The following SHB variants were observed in gnomAD, a reference collection of about 807,000 sequenced individuals.
SHB encodes the protein SH2 domain containing adaptor protein B.
SHB carries 20 observed loss-of-function variants against 52.3 expected under a neutral mutation model. The ratio of observed to expected loss-of-function variants is 0.38; its 90% CI spans 0.27 to 0.56. The LOEUF (loss-of-function observed/expected upper bound fraction) is 0.56. Ranked by LOEUF, SHB falls within the 20% of genes least tolerant of loss-of-function variation. The pLI is 0.71. For missense variants in SHB, 825 were observed against 723.3 expected (o/e 1.14, Z -1.61); for synonymous variants, 397 against 316.5 (o/e 1.25, Z -2.70).
intron 1 of SHB, among the ~76,000 whole-genome samples, chr9:38,048,324 A>C (rs1821685840): frequency 6.6e-6 from 1 of 152,176 alleles, no homozygotes. Flanking sequence ...AATATTCATC[A>C]TTTTTTATAT....
Position 37,956,056 on chromosome 9 carries a change from T to A in SHB, c.1055-2A>T. ...GCTTCTCGTTGCCATTAAACTGTGC[T>A]GTGGGGAGAGAGAGAAAGTGCAGGG... On this transcript the variant is annotated splice_acceptor_variant, in intron 3 of 5. Coordinates refer to ENST00000377707, the MANE Select transcript of SHB (RefSeq NM_003028.3). LOFTEE classifies it high-confidence loss of function. The A allele has an allele frequency of 6.4e-7, 1 of 1,556,446 alleles. No homozygotes were observed. Among genetic ancestry groups the A allele is most frequent in the Non-Finnish European group, 8.7e-7 (1 of 1,149,480 alleles).
At chr9:38,015,974 C>T in intron 2 of SHB, 37 bp downstream of exon 2, 1 of 1,608,920 alleles carries the variant, frequency 6.2e-7, no homozygotes, top group East Asian at 2.2e-5. Flanking sequence ...ACCCCTACAA[C>T]CCCAGCTGTG....
At chr9:37,934,014 G>A (rs1832341422) in intron 5 of SHB, among the ~76,000 whole-genome samples, 1 of 152,178 alleles carries the variant, frequency 6.6e-6, no homozygotes, top group Non-Finnish European at 1.5e-5. Flanking sequence ...CGTTCCCCAG[G>A]CAGTCACCAT....
chr9:37,969,920 C>T (rs764342135), intron 3 of SHB, among the ~76,000 whole-genome samples: 1 of 152,220 alleles, frequency 6.6e-6, no homozygotes, highest in African/African-American at 2.4e-5. Context: ...AGCAAGAAGG[C>T]CATTTCTAGA....
In SHB at chr9:38,015,877, T is replaced by G. The variant is rs879233871; in HGVS notation, c.838+134A>C. Reference sequence around the variant, plus strand: ...CTGTGGGGAAGACTTAATACAGCATTGCTCCCACCTACCAACTTGAAAGCA... The same window carrying G: ...CTGTGGGGAAGACTTAATACAGCATGGCTCCCACCTACCAACTTGAAAGCA... On this transcript the variant is annotated intron_variant, in intron 2 of 5. Transcript: ENST00000377707. 2.3e-4 allele frequency: 194 copies of G among 828,346 alleles called. 1 individual carries two copies. Among genetic ancestry groups the G allele is most frequent in the Middle Eastern group, 1.1e-3 (3 of 2,694 alleles). The allele number at this position is 828,346 out of a possible 1,614,324, so 51.3% of individuals were successfully genotyped here.
In SHB at chr9:38,045,656, A is replaced by G. The variant is rs371243773; in HGVS notation, c.717+22273T>C. 5.7e-4 allele frequency among the ~76,000 whole-genome samples: 87 copies of G among 152,230 alleles called. 1 individual carries two copies. The South Asian group carries it at 0.017, about 30-fold the overall frequency. The stretch of plus-strand genomic sequence containing the variant: ...CAATAAACAATTTGACAACATATCA[A>G]TTTCCTACCACTTTGTAATGAACCT... On this transcript the variant is annotated intron_variant, in intron 1 of 5. Coordinates refer to ENST00000377707, the MANE Select transcript of SHB (RefSeq NM_003028.3).
chr9:37,941,883 G>C (rs1396896497), intron 5 of SHB, among the ~76,000 whole-genome samples: 1 of 152,160 alleles, frequency 6.6e-6, no homozygotes, highest in Non-Finnish European at 1.5e-5. Flanking sequence ...GCAGAAGGAA[G>C]TGGAGACTTG....
chr9:37,916,681 G>C lies in SHB; in HGVS notation c.*3140C>G, dbSNP rs892243607. ...CCTTTCCTGGGAACAGCTACGCTGT[G>C]AGCCTCTCTCCAGGAGAGGGTGTCA... On this transcript the variant is annotated 3_prime_UTR_variant, in exon 6 of 6. Transcript: ENST00000377707. Among the ~76,000 whole-genome samples, 1 of 152,224 alleles carries C rather than the reference G, an allele frequency of 6.6e-6. No individual in the cohort carries two copies. The highest frequency in any genetic ancestry group is 2.4e-5 in the African/African-American group (1 of 41,466).
At chr9:38,014,158 C>G (rs148799711) in intron 2 of SHB, among the ~76,000 whole-genome samples, 3 of 152,070 alleles carry the variant, frequency 2.0e-5, no homozygotes, top group Admixed American at 6.6e-5. Context: ...CTGTCCCCCC[C>G]GCCCCAACCT....
At chr9:37,931,492 T>G (rs554977920) in intron 5 of SHB, among the ~76,000 whole-genome samples, 2 of 152,330 alleles carry the variant, frequency 1.3e-5, no homozygotes, top group South Asian at 4.1e-4. Context: ...TGAAAAGGTG[T>G]TCAACATCAG....
At chr9:38,059,128 A>G (rs902985716) in intron 1 of SHB, among the ~76,000 whole-genome samples, 10 of 152,334 alleles carry the variant, frequency 6.6e-5, no homozygotes, top group African/African-American at 2.4e-4. Flanking sequence ...GAATGAATGA[A>G]TGAATGAATG....
Position 37,919,893 on chromosome 9 carries a change from G to A in SHB, c.1458C>T (p.Thr486=), listed in dbSNP as rs779833319. 1.2e-5 allele frequency: 19 copies of A among 1,613,904 alleles called. No homozygotes were observed. The highest frequency in any genetic ancestry group is 8.3e-5 in the Admixed American group (5 of 60,008). Residue 486 remains threonine, a synonymous_variant, in exon 6 of 6, where the codon ACC becomes ACT. Coordinates refer to ENST00000377707, the MANE Select transcript of SHB (RefSeq NM_003028.3). ...DSVPEVIHYY[T]TRKLPIKGAE... is the part of the protein sequence containing the mutation. ...CCCCTTTGATGGGTAGCTTTCTGGT[G>A]GTGTAGTAGTGGATGACTTCCGGGA...
In SHB at chr9:37,919,742, T is replaced by G; in HGVS notation, c.*79A>C. 2 of 1,123,554 alleles carry G rather than the reference T, an allele frequency of 1.8e-6. No individual in the cohort carries two copies. The highest frequency in any genetic ancestry group is 2.7e-6 in the Non-Finnish European group (2 of 751,346). The allele number at this position is 1,123,554 out of a possible 1,614,324, so 69.6% of individuals were successfully genotyped here. A position where few individuals can be genotyped will look rare whatever the true frequency, so the allele number is the denominator to read the frequency against. ...ACACAAACGACACAGCCAGCAACAGTGGCTGGGCTGGTTGGTGGGGGGCCT... is the reference window on the plus strand; with the variant it reads ...ACACAAACGACACAGCCAGCAACAGGGGCTGGGCTGGTTGGTGGGGGGCCT... On this transcript the variant is annotated 3_prime_UTR_variant, in exon 6 of 6. Coordinates refer to ENST00000377707, the MANE Select transcript of SHB (RefSeq NM_003028.3).
intron 2 of SHB, among the ~76,000 whole-genome samples, chr9:37,977,508 A>G (rs897068854): frequency 6.6e-6 from 1 of 152,212 alleles, no homozygotes; most frequent in Admixed American, 6.5e-5. Context: ...ATTGGGTCCC[A>G]TGAGTAAACT....
chr9:38,034,256 G>C (rs916542136), intron 1 of SHB, among the ~76,000 whole-genome samples: 4 of 152,214 alleles, frequency 2.6e-5, no homozygotes, highest in Non-Finnish European at 5.9e-5. Context: ...CAAGAATTCA[G>C]AGGCCTCCAC....
intron 1 of SHB, among the ~76,000 whole-genome samples, chr9:38,047,295 C>A (rs933393749): frequency 1.3e-5 from 2 of 152,252 alleles, no homozygotes; most frequent in African/African-American, 4.8e-5. Context: ...AAGCACCCAG[C>A]AGAGTATAGC....
chr9:37,981,393 C>G (rs1339910166), intron 2 of SHB, among the ~76,000 whole-genome samples: 2 of 152,256 alleles, frequency 1.3e-5, no homozygotes, highest in African/African-American at 4.8e-5. Flanking sequence ...GCTTCCTCCA[C>G]TCTCTCAGCC....
chr9:38,032,532 A>C (rs1022180924), intron 1 of SHB, among the ~76,000 whole-genome samples: 14 of 152,228 alleles, frequency 9.2e-5, no homozygotes, highest in Non-Finnish European at 1.8e-4. Flanking sequence ...AACTCCCTTA[A>C]GTCAGCTGAG....
chr9:37,971,165 C>T (rs1418662770), intron 3 of SHB, among the ~76,000 whole-genome samples: 1 of 152,126 alleles, frequency 6.6e-6, no homozygotes, highest in African/African-American at 2.4e-5. Flanking sequence ...ACTCACTGAC[C>T]ACACCAACGA....
Sources: gnomAD v4.1 joint callset for allele counts (sites outside exome capture counted in the v4.1 genomes callset) on GRCh38, gnomAD v4.1.1 for gene constraint, MANE v1.5 for transcripts, NCBI Gene and HGNC (gene_info 2026-07-23, HGNC 2026-07-21) for gene names.